BAIAP3: variants seen among roughly 807,000 people sequenced by gnomAD.
BAIAP3 encodes the protein BAI1-associated protein 3.
In BAIAP3, 180 loss-of-function variants were observed where a neutral mutation model predicts 149.7. The ratio of observed to expected loss-of-function variants is 1.20; its 90% CI spans 1.07 to 1.36. The LOEUF (loss-of-function observed/expected upper bound fraction) is 1.36, where lower values mean the gene tolerates loss of function less well. Ranked by LOEUF, BAIAP3 falls within the 40% of genes most tolerant of loss-of-function variation. The pLI is 0.00. For missense variants in BAIAP3, 1,767 were observed against 1,563.4 expected, an observed-to-expected ratio of 1.13 and a Z score of -2.20; for synonymous variants, 845 against 670.7, an observed-to-expected ratio of 1.26 and a Z score of -4.02.
Position 1,347,736 on chromosome 16 carries a change from C to T in BAIAP3, c.2940C>T (p.Ser980=), listed in dbSNP as rs779660510. The part of the protein sequence containing the change: ...TLEQNRFGRL[S]VRCHYEAAEQ... Reference sequence around the variant, plus strand: ...AGCAGAACCGGTTTGGACGCCTGAGCGTCCGTTGCCATTACGAGGCGGCTG... The same window carrying T: ...AGCAGAACCGGTTTGGACGCCTGAGTGTCCGTTGCCATTACGAGGCGGCTG... Residue 980 remains serine (S), a synonymous_variant, in exon 31 of 34, where the codon AGC becomes AGT. Transcript: ENST00000426824. 4.3e-6 allele frequency: 7 copies of T among 1,609,826 alleles called. No individual in the cohort carries two copies. The highest frequency in any genetic ancestry group is 2.7e-5 in the African/African-American group (2 of 74,900).
intron 1 of BAIAP3, chr16:1,336,499 C>T (rs946245477): frequency 3.0e-6 from 2 of 670,264 alleles, no homozygotes; most frequent in African/African-American, 3.9e-5. Flanking sequence ...AGCCTGCACC[C>T]AGGGCTCGGG....
chr16:1,342,786 T>TG lies in BAIAP3; in HGVS notation c.1134dup (p.Leu379AlafsTer90). The TG allele has an allele frequency of 6.2e-7, 1 of 1,612,698 alleles. No homozygotes were observed. Among genetic ancestry groups the TG allele is most frequent in the Non-Finnish European group, 8.5e-7 (1 of 1,179,994 alleles). Reference sequence around the variant, plus strand: ...TCCCACCTGCTGCTGCTCAGCCATCTGCTGCGGTTGGAGCACTCAGCAGAG... The same window carrying TG: ...TCCCACCTGCTGCTGCTCAGCCATCTGGCTGCGGTTGGAGCACTCAGCAGAG... On this transcript the variant is annotated frameshift_variant, in exon 13 of 34. Coordinates refer to ENST00000426824, the MANE Select transcript of BAIAP3 (RefSeq NM_001199097.2). LOFTEE classifies it high-confidence loss of function.
At chr16:1,342,366 T>G (rs2141590437) in intron 11 of BAIAP3, 83 bp downstream of exon 11, 1 of 1,471,374 alleles carries the variant, frequency 6.8e-7, no homozygotes, top group Non-Finnish European at 9.3e-7. Flanking sequence ...GGGCACTGCC[T>G]GGAGAAGCTC....
chr16:1,346,323 C>T lies in BAIAP3; in HGVS notation c.2455C>T (p.Arg819Trp), dbSNP rs1202761235. The T allele has an allele frequency of 3.1e-6, 5 of 1,603,514 alleles. No homozygotes were observed. Among genetic ancestry groups the T allele is most frequent in the African/African-American group, 1.3e-5 (1 of 74,758 alleles). The change falls in exon 25 of 34, where the codon CGG becomes TGG. Residue 819 changes from arginine (R) to tryptophan (W), a missense_variant. Physicochemically the swap from Arg to Trp is moderately radical, Grantham distance 101. Transcript: ENST00000426824. The part of the protein sequence containing the change: ...CTQALDDDLQ[R>W]EAHTVTAHLT... Reference sequence around the variant, plus strand: ...ACAGGCCCTGGACGATGATCTGCAACGGGAGGCCCACACGGTGACAGCGCA... The same window carrying T: ...ACAGGCCCTGGACGATGATCTGCAATGGGAGGCCCACACGGTGACAGCGCA...
chr16:1,348,382 G>A lies in BAIAP3; in HGVS notation c.3359G>A (p.Arg1120Lys). The A allele has an allele frequency of 6.2e-7, 1 of 1,612,382 alleles. No individual in the cohort carries two copies. Residue 1120 changes from arginine to lysine, a missense_variant, in exon 34 of 34, where the codon AGA becomes AAA. Arg to Lys is a conservative substitution (Grantham distance 26, BLOSUM62 2). Coordinates refer to ENST00000426824, the MANE Select transcript of BAIAP3 (RefSeq NM_001199097.2). ...LHLCRPRAQVRSALRRLEGRT... is the reference protein window; with the variant it reads ...LHLCRPRAQVKSALRRLEGRT... ...CACCTGCCCGCGCTGCTTGCAGTGA[G>A]ATCTGCGCTGAGGAGGCTGGAAGGC...
rs751614947 is a variant in BAIAP3 at position 1,348,325 on chromosome 16, C to T, written c.3355+24C>T. On this transcript the variant is annotated intron_variant, in intron 33 of 33. Coordinates refer to ENST00000426824, the MANE Select transcript of BAIAP3 (RefSeq NM_001199097.2). ...GGGTGAGTGAGCATCTGGGTGGAGGCAGGGGCAGCGGGCCTGACCCCGGCC... is the reference window on the plus strand; with the variant it reads ...GGGTGAGTGAGCATCTGGGTGGAGGTAGGGGCAGCGGGCCTGACCCCGGCC... The T allele has an allele frequency of 3.7e-5, 59 of 1,602,834 alleles. No individual in the cohort carries two copies. The East Asian group carries it at 1.3e-3, about 35-fold the overall frequency.
At chr16:1,339,903 GACAC>G (rs2033761735) in intron 5 of BAIAP3, among the ~76,000 whole-genome samples, 2 of 111,630 alleles carry the variant, frequency 1.8e-5, no homozygotes, top group African/African-American at 7.1e-5. Context: ...GGTGCACACA[GACAC>G]GCACACAGGC....
rs779697653 is a variant in BAIAP3, at chr16:1,348,003, C to T, written c.3135C>T (p.Asp1045=). 16 of 1,609,594 alleles carry T rather than the reference C, an allele frequency of 9.9e-6. No homozygotes were observed. Among genetic ancestry groups the T allele is most frequent in the Non-Finnish European group, 1.2e-5 (14 of 1,179,906 alleles). The change falls in exon 32 of 34, where the codon GAC becomes GAT. Residue 1045 remains aspartate (D), a synonymous_variant. Coordinates refer to ENST00000426824, the MANE Select transcript of BAIAP3 (RefSeq NM_001199097.2). The stretch of plus-strand genomic sequence containing the variant: ...CCCGGACGCTGCACCCTGTATACGA[C>T]GAACTCTTCTACTTGTGAGTGTCCT... The part of the protein sequence containing the change: ...VKTRTLHPVY[D]ELFYFSVPAE...
chr16:1,345,708 C>T, intron 22 of BAIAP3, 39 bp from the exon 23 acceptor site: 1 of 1,502,888 alleles, frequency 6.7e-7, no homozygotes, highest in East Asian at 2.5e-5. Flanking sequence ...CCAGCCTCCC[C>T]TGCCTCCCCA....
Position 1,342,273 on chromosome 16 carries a change from T to TACCTGTCC in BAIAP3, c.948_955dup (p.Arg319HisfsTer36), listed in dbSNP as rs2033976949. On this transcript the variant is annotated frameshift_variant, in exon 11 of 34. Coordinates refer to ENST00000426824, the MANE Select transcript of BAIAP3 (RefSeq NM_001199097.2). LOFTEE classifies it high-confidence loss of function. ...GATGACTTCCTGGGGTGCCTCAACA[T>TACCTGTCC]ACCTGTCCGGGTGAGTGGGTGTGGG... 1.9e-6 allele frequency: 3 copies of TACCTGTCC among 1,612,204 alleles called. No homozygotes were observed. The highest frequency in any genetic ancestry group is 2.5e-6 in the Non-Finnish European group (3 of 1,179,746).
At chr16:1,339,890 G>A (rs2033759362) in intron 5 of BAIAP3, among the ~76,000 whole-genome samples, 1 of 136,380 alleles carries the variant, frequency 7.3e-6, no homozygotes, top group South Asian at 2.3e-4. Flanking sequence ...CACACAGGCT[G>A]CAGGTGCACA....
At chr16:1,344,349 C>T in intron 17 of BAIAP3, 32 bp downstream of exon 17, 1 of 1,612,688 alleles carries the variant, frequency 6.2e-7, no homozygotes, top group Non-Finnish European at 8.5e-7. Context: ...AGGCCGGCTG[C>T]TAAGCCCTCC....
intron 1 of BAIAP3, among the ~76,000 whole-genome samples, chr16:1,335,290 A>G (rs2033382471): frequency 6.6e-6 from 1 of 152,232 alleles, no homozygotes; most frequent in Admixed American, 6.5e-5. Context: ...CAGTGCCACA[A>G]GGCAGGAGCT....
Position 1,346,018 on chromosome 16 carries a change from G to A in BAIAP3, c.2241G>A (p.Glu747=). The A allele has an allele frequency of 1.9e-6, 3 of 1,611,468 alleles. No individual in the cohort carries two copies. Among genetic ancestry groups the A allele is most frequent in the East Asian group, 4.5e-5 (2 of 44,824 alleles). The change falls in exon 24 of 34, where the codon GAG becomes GAA. Residue 747 remains glutamate (E), a synonymous_variant. Transcript: ENST00000426824. The stretch of plus-strand genomic sequence containing the variant: ...GTGAGGCCACCCTCTTCTATACGGA[G>A]CTGCTTCGGAAGAAGGTGGACACTC... ...DVCEATLFYT[E]LLRKKVDTQP... is the part of the protein sequence containing the mutation.
At position 1,334,668 on chromosome 16, in the gene BAIAP3, C is replaced by T. The variant is rs777303474; in HGVS notation, c.-11+919C>T. On this transcript the variant is annotated intron_variant, in intron 1 of 33. Coordinates refer to ENST00000426824, the MANE Select transcript of BAIAP3 (RefSeq NM_001199097.2). ...TTCCCGGGGTTCGACTGGAATGAGA[C>T]CCCGGGGAGCAGCGTTTGCAGCGGG... is the stretch of plus-strand genomic sequence containing the variant. 3.9e-6 allele frequency: 6 copies of T among 1,551,550 alleles called. No homozygotes were observed. The South Asian group carries it at 7.1e-5, about 18-fold the overall frequency.
At chr16:1,347,430 C>G in intron 29 of BAIAP3, 61 bp downstream of exon 29, 2 of 1,596,586 alleles carry the variant, frequency 1.3e-6, no homozygotes, top group Non-Finnish European at 8.5e-7. Flanking sequence ...CAAACTGCAG[C>G]CCCACACGGG....
At position 1,342,499 on chromosome 16, in the gene BAIAP3, G is replaced by A. The variant is rs199643216; in HGVS notation, c.958-28G>A. 5 of 1,541,186 alleles carry A rather than the reference G, an allele frequency of 3.2e-6. No homozygotes were observed. The East Asian group carries it at 9.8e-5, about 30-fold the overall frequency. ...GTGGAAGGGGAGGGGGAGGAGTCTG[G>A]TGGGCCTGACCCCCATGCTACCCCC... On this transcript the variant is annotated intron_variant, in intron 11 of 33. Coordinates refer to ENST00000426824, the MANE Select transcript of BAIAP3 (RefSeq NM_001199097.2).
chr16:1,339,099 C>T, intron 3 of BAIAP3, 65 bp from the exon 4 acceptor site: 1 of 1,587,262 alleles, frequency 6.3e-7, no homozygotes, highest in Non-Finnish European at 8.6e-7. Context: ...CACCACCTGT[C>T]TTCCCTGCTG....
chr16:1,336,678 C>T (rs1042160047), intron 1 of BAIAP3, among the ~76,000 whole-genome samples: 10 of 152,298 alleles, frequency 6.6e-5, no homozygotes, highest in Admixed American at 3.9e-4. Context: ...TGTGCTCAGG[C>T]CCCCACGCTG....
Sources: allele counts gnomAD v4.1 joint callset (sites outside exome capture counted in the v4.1 genomes callset), GRCh38; gene constraint gnomAD v4.1.1; transcripts MANE v1.5; gene names NCBI Gene and HGNC (gene_info 2026-07-23, HGNC 2026-07-21).